LRRIQ1: variants seen among roughly 807,000 people sequenced by gnomAD.
LRRIQ1 encodes the protein leucine-rich repeat- and IQ domain-containing protein 1.
A neutral mutation model predicts 211.9 loss-of-function variants in LRRIQ1; 210 were observed. That is an observed-to-expected ratio of 0.99 (90% CI 0.89 to 1.11). LRRIQ1 has a LOEUF of 1.11. LRRIQ1 is among the 50% of genes most tolerant of loss of function. LRRIQ1 has a pLI of 0.00. For synonymous variants in LRRIQ1, 699 were observed against 650.1 expected (o/e 1.08, Z -1.14); for missense variants, 2,136 against 1,939.5 (o/e 1.10, Z -1.90).
At position 85,047,427 on chromosome 12, in the gene LRRIQ1, A is replaced by T. The variant is rs1879749361; in HGVS notation, c.635A>T (p.Lys212Ile). ...EEEEKRHCWM[K>I]QFKVEKKKLE... ...GAAGAAAAGCGACATTGCTGGATGA[A>T]ACAATTTAAAGTTGAAAAGAAGAAA... Residue 212 changes from lysine (K) to isoleucine (I), a missense_variant, in exon 6 of 27, where the codon AAA becomes ATA. Lys to Ile is a moderately radical substitution (Grantham distance 102). Coordinates refer to ENST00000393217, the MANE Select transcript of LRRIQ1 (RefSeq NM_001079910.2). 4 of 1,613,262 alleles carry T rather than the reference A, an allele frequency of 2.5e-6. No individual in the cohort carries two copies. The highest frequency in any genetic ancestry group is 2.7e-5 in the African/African-American group (2 of 74,904).
At chr12:85,091,275 A>C (rs2136229794) in intron 11 of LRRIQ1, among the ~76,000 whole-genome samples, 1 of 152,286 alleles carries the variant, frequency 6.6e-6, no homozygotes. Flanking sequence ...TAGCAATGCA[A>C]GAATGGCCTA....
At chr12:85,262,082 C>A (rs965517720) in intron 1 of LRRIQ1, among the ~76,000 whole-genome samples, 4 of 152,200 alleles carry the variant, frequency 2.6e-5, no homozygotes, top group Admixed American at 6.5e-5. Flanking sequence ...GCCACTGCGC[C>A]AGGCCATAAT....
rs141437822 is a variant in LRRIQ1, at chr12:85,204,653, A to G, written c.4823-24864A>G. Among the ~76,000 whole-genome samples, 7 of 152,224 alleles carry G rather than the reference A, an allele frequency of 4.6e-5. No individual in the cohort carries two copies. In the East Asian group the frequency reaches 9.7e-4, roughly 21 times the overall value. ...ATTTGACTGCCCTGCTGGATTTTGG[A>G]CTTGCATGGGATCTGTAGCCCCTTT... On this transcript the variant is annotated intron_variant, in intron 24 of 26. Coordinates refer to ENST00000393217, the MANE Select transcript of LRRIQ1 (RefSeq NM_001079910.2).
At chr12:85,074,459 T>A (rs990107476) in intron 11 of LRRIQ1, among the ~76,000 whole-genome samples, 1 of 151,986 alleles carries the variant, frequency 6.6e-6, no homozygotes, top group Non-Finnish European at 1.5e-5. Flanking sequence ...AATTACAATC[T>A]TTTAGTTATA....
At chr12:85,176,598 G>A (rs1313658236) in intron 24 of LRRIQ1, among the ~76,000 whole-genome samples, 4 of 117,876 alleles carry the variant, frequency 3.4e-5, no homozygotes, top group South Asian at 3.5e-4. Flanking sequence ...GTTGTGGGGT[G>A]GGGGGAGGGG....
At chr12:85,192,423 T>A (rs1310875524) in intron 24 of LRRIQ1, among the ~76,000 whole-genome samples, 3 of 131,148 alleles carry the variant, frequency 2.3e-5, no homozygotes, top group East Asian at 2.1e-4. Context: ...TATATACATT[T>A]ATATATATTT....
intron 24 of LRRIQ1, among the ~76,000 whole-genome samples, chr12:85,176,787 G>A (rs1179422951): frequency 6.6e-6 from 1 of 151,738 alleles, no homozygotes; most frequent in Non-Finnish European, 1.5e-5. Context: ...TTTTAGATGG[G>A]TCTATAATAT....
chr12:85,198,184 T>C (rs1893096356), intron 24 of LRRIQ1, among the ~76,000 whole-genome samples: 1 of 130,438 alleles, frequency 7.7e-6, no homozygotes, highest in Non-Finnish European at 1.6e-5. Flanking sequence ...TTTATATATA[T>C]ATATTTTTTC....
Position 85,124,138 on chromosome 12 carries a change from C to A in LRRIQ1, c.3626C>A (p.Thr1209Asn), listed in dbSNP as rs757035432. 4 of 1,613,966 alleles carry A rather than the reference C, an allele frequency of 2.5e-6. No homozygotes were observed. Among genetic ancestry groups the A allele is most frequent in the Non-Finnish European group, 2.5e-6 (3 of 1,179,910 alleles). ...TTTAAGAAATTGATGATACTTAGTACTGAATACCGACATGCACACGAACGA... is the reference window on the plus strand; with the variant it reads ...TTTAAGAAATTGATGATACTTAGTAATGAATACCGACATGCACACGAACGA... Reference protein sequence around the residue: ...HYFKKLMILSTEYRHAHERGD... With the variant: ...HYFKKLMILSNEYRHAHERGD... The change falls in exon 17 of 27, where the codon ACT becomes AAT. Residue 1209 changes from threonine (T) to asparagine (N), a missense_variant. By Grantham distance (65) the Thr-to-Asn change is moderately conservative. Transcript: ENST00000393217.
chr12:85,214,687 AT>A (rs1893995768), intron 24 of LRRIQ1, among the ~76,000 whole-genome samples: 1 of 152,156 alleles, frequency 6.6e-6, no homozygotes, highest in Non-Finnish European at 1.5e-5. Flanking sequence ...AGTTATCTAT[AT>A]TAAAATAAGT....
At chr12:85,257,372 A>C (rs1304705691) in intron 1 of LRRIQ1, among the ~76,000 whole-genome samples, 1 of 149,310 alleles carries the variant, frequency 6.7e-6, no homozygotes, top group East Asian at 2.0e-4. Context: ...GAGGACATTA[A>C]AAAATAAAAA....
chr12:85,043,403 A>G (rs1045788149), intron 3 of LRRIQ1, among the ~76,000 whole-genome samples: 1 of 152,102 alleles, frequency 6.6e-6, no homozygotes. Context: ...AGGCACCTAC[A>G]TGTAGCCTCT....
chr12:85,186,147 A>G (rs1322084569), intron 24 of LRRIQ1, among the ~76,000 whole-genome samples: 1 of 152,154 alleles, frequency 6.6e-6, no homozygotes, highest in African/African-American at 2.4e-5. Context: ...AAGGTCAGAC[A>G]ACAAAAATTT....
At chr12:85,134,323 C>A (rs1888972348) in intron 18 of LRRIQ1, among the ~76,000 whole-genome samples, 3 of 152,058 alleles carry the variant, frequency 2.0e-5, no homozygotes, top group East Asian at 1.9e-4. Context: ...AATAGCAATA[C>A]CTCCCCAATG....
intron 24 of LRRIQ1, among the ~76,000 whole-genome samples, chr12:85,217,466 GTATATA>G (rs1176544778): frequency 1.5e-5 from 1 of 67,028 alleles, no homozygotes; most frequent in Non-Finnish European, 2.4e-5. Flanking sequence ...GGGACCTGAA[GTATATA>G]TATATATATA....
chr12:85,220,798 C>A (rs1441860288), intron 24 of LRRIQ1, among the ~76,000 whole-genome samples: 1 of 127,046 alleles, frequency 7.9e-6, no homozygotes, highest in Non-Finnish European at 1.6e-5. Context: ...TCCCCCCTCC[C>A]CCCTGTTTTT....
intron 24 of LRRIQ1, among the ~76,000 whole-genome samples, chr12:85,178,974 A>G (rs1891852235): frequency 6.6e-6 from 1 of 151,816 alleles, no homozygotes; most frequent in Non-Finnish European, 1.5e-5. Flanking sequence ...GCAAAACAAA[A>G]TATTTTAGGA....
intron 26 of LRRIQ1, among the ~76,000 whole-genome samples, chr12:85,242,571 A>G (rs1895514023): frequency 6.6e-6 from 1 of 151,948 alleles, no homozygotes; most frequent in African/African-American, 2.4e-5. Flanking sequence ...GACTGTATAT[A>G]CAATTTACAT....
At chr12:85,250,933 T>TATATATAATATATTTTATATATG (rs1555230700) in intron 1 of LRRIQ1, among the ~76,000 whole-genome samples, 2 of 69,520 alleles carry the variant, frequency 2.9e-5, no homozygotes, top group African/African-American at 1.3e-4. Context: ...TATTATATAT[T>TATATATAATATATTTTATATATG]ATATATAATA....
Sources: allele counts gnomAD v4.1 joint callset (sites outside exome capture counted in the v4.1 genomes callset), GRCh38; gene constraint gnomAD v4.1.1; transcripts MANE v1.5; gene names NCBI Gene and HGNC (gene_info 2026-07-23, HGNC 2026-07-21).